The following ZNF248 variants were observed in gnomAD, a reference collection of about 807,000 sequenced individuals.
ZNF248 encodes zinc finger protein 248, also known as KRAB protein domain.
Under a neutral mutation model 44.3 loss-of-function variants are expected in ZNF248, and 20 were observed. That is an observed-to-expected ratio of 0.45 (90% CI 0.32 to 0.66). ZNF248 has a LOEUF of 0.66. ZNF248 is among the 30% of genes least tolerant of loss of function. The pLI, the probability that ZNF248 is intolerant of heterozygous loss-of-function variation, is 0.04. For synonymous variants in ZNF248, 224 were observed against 229.0 expected, an observed-to-expected ratio of 0.98 and a Z score of 0.20; for missense variants, 654 against 677.0, an observed-to-expected ratio of 0.97 and a Z score of 0.38.
At chr10:37,826,131 C>A (rs1208722), downstream of ZNF248, among the ~76,000 whole-genome samples, 9,110 of 152,106 alleles carry the variant, frequency 0.06, 354 homozygotes, top group Middle Eastern at 0.095. Flanking sequence ...AACTGGTAAT[C>A]GCGTATTGTA....
chr10:37,801,013 C>G (rs1407319316), intron 6 of ZNF248, among the ~76,000 whole-genome samples: 1 of 151,798 alleles, frequency 6.6e-6, no homozygotes, highest in Non-Finnish European at 1.5e-5. Context: ...CTGCCTGCCT[C>G]GGCCTCCCAA....
chr10:37,767,404 C>G, the ZNF248 span, among the ~76,000 whole-genome samples: 1 of 152,268 alleles, frequency 6.6e-6, no homozygotes, highest in East Asian at 1.9e-4. Context: ...AAGGGAAGCC[C>G]ATCAGACTAA....
At chr10:37,760,997 G>A in the ZNF248 span, among the ~76,000 whole-genome samples, 1 of 152,222 alleles carries the variant, frequency 6.6e-6, no homozygotes, top group Non-Finnish European at 1.5e-5. Context: ...TGATGGTGCA[G>A]GCCTTTAGGG....
At chr10:37,848,043 G>A (rs1305393198) in intron 3 of ZNF248, among the ~76,000 whole-genome samples, 1 of 152,080 alleles carries the variant, frequency 6.6e-6, no homozygotes, top group East Asian at 1.9e-4. Flanking sequence ...GGCCAAGGTG[G>A]GTGAATCACC....
At chr10:37,840,188 A>G (rs746804549) in intron 3 of ZNF248, among the ~76,000 whole-genome samples, 2 of 152,244 alleles carry the variant, frequency 1.3e-5, no homozygotes, top group African/African-American at 2.4e-5. Context: ...AGAAATTTAT[A>G]ACATCAAATT....
intron 3 of ZNF248, among the ~76,000 whole-genome samples, chr10:37,855,191 T>C (rs1342125413): frequency 6.6e-6 from 1 of 152,152 alleles, no homozygotes; most frequent in Non-Finnish European, 1.5e-5. Context: ...GACCATACAT[T>C]CCAGTAAGTC....
At chr10:37,762,575 G>A in the ZNF248 span, among the ~76,000 whole-genome samples, 1 of 152,142 alleles carries the variant, frequency 6.6e-6, no homozygotes, top group South Asian at 2.1e-4. Context: ...GGGATGGGGG[G>A]TTAAGAAAAG....
chr10:37,823,386 A>AT (rs914122375), intron 6 of ZNF248, among the ~76,000 whole-genome samples: 1 of 147,232 alleles, frequency 6.8e-6, no homozygotes. Context: ...GGAACTAATC[A>AT]TTTTTTAACA....
chr10:37,781,790 G>T (rs2047347890), intron 6 of ZNF248, among the ~76,000 whole-genome samples: 1 of 152,150 alleles, frequency 6.6e-6, no homozygotes, highest in African/African-American at 2.4e-5. Flanking sequence ...GGCCTGAGTG[G>T]GAGAGCAGTC....
At chr10:37,770,233 A>G in the ZNF248 span, among the ~76,000 whole-genome samples, 2 of 152,220 alleles carry the variant, frequency 1.3e-5, no homozygotes, top group Non-Finnish European at 2.9e-5. Flanking sequence ...CATCCCCATC[A>G]AGCTACCAAT....
chr10:37,819,872 T>C (rs2053171881), intron 6 of ZNF248: 1 of 781,578 alleles, frequency 1.3e-6, no homozygotes, highest in Non-Finnish European at 2.4e-6. Context: ...GAATTTATCC[T>C]TTTCTGATGC....
rs557781881 is a variant in ZNF248, at chr10:37,853,675, C to T, written c.15+2621G>A. Among the ~76,000 whole-genome samples the T allele has an allele frequency of 1.5e-4, 23 of 152,016 alleles. No individual in the cohort carries two copies. The South Asian group carries it at 2.9e-3, about 19-fold the overall frequency. Reference sequence around the variant, plus strand: ...GATTACAGGCAGGAGCCACGGTGCCCGGCCACCGGAATGGTATTTTTAAAG... The same window carrying T: ...GATTACAGGCAGGAGCCACGGTGCCTGGCCACCGGAATGGTATTTTTAAAG... On this transcript the variant is annotated intron_variant, in intron 3 of 5. Transcript: ENST00000395867.
chr10:37,770,311 G>A, the ZNF248 span, among the ~76,000 whole-genome samples: 10 of 152,182 alleles, frequency 6.6e-5, no homozygotes, highest in Non-Finnish European at 8.8e-5. Context: ...AGCCCGCATC[G>A]CCAAGTCAAT....
chr10:37,837,542 A>C, intron 5 of ZNF248, 75 bp downstream of exon 5: 1 of 1,234,246 alleles, frequency 8.1e-7, no homozygotes, highest in Non-Finnish European at 1.2e-6. Flanking sequence ...AATATTCCAA[A>C]GGTGACAAAT....
At chr10:37,818,592 TG>T (rs2052933262) in intron 6 of ZNF248, 1 of 431,210 alleles carries the variant, frequency 2.3e-6, no homozygotes, top group Non-Finnish European at 4.4e-6. Context: ...TTTGTGGCCT[TG>T]GAGTCAGTCT....
chr10:37,831,249 C>T lies in ZNF248; in HGVS notation c.*366G>A, dbSNP rs1405537028. Reference sequence around the variant, plus strand: ...ATACTCACATAAGGTCTACAAACATCGGGGACTCTTCACATATATGTTTAA... The same window carrying T: ...ATACTCACATAAGGTCTACAAACATTGGGGACTCTTCACATATATGTTTAA... On this transcript the variant is annotated 3_prime_UTR_variant, in exon 6 of 6. Transcript: ENST00000395867. The T allele has an allele frequency of 1.0e-5, 16 of 1,549,118 alleles. 1 individual carries two copies. The highest frequency in any genetic ancestry group is 3.6e-5 in the South Asian group (3 of 83,940).
At chr10:37,851,734 C>T (rs2060261338) in intron 3 of ZNF248, among the ~76,000 whole-genome samples, 1 of 15,362 alleles carries the variant, frequency 6.5e-5, no homozygotes, top group Non-Finnish European at 1.3e-4. Flanking sequence ...AAATAAATAA[C>T]AAAAAAAAAT....
intron 6 of ZNF248, chr10:37,820,905 A>G: frequency 6.7e-7 from 1 of 1,482,408 alleles, no homozygotes; most frequent in South Asian, 1.1e-5. Context: ...AGTTTTCCTT[A>G]CTAATACCTA....
chr10:37,828,454 T>C (rs977150302), downstream of ZNF248, among the ~76,000 whole-genome samples: 1 of 152,176 alleles, frequency 6.6e-6, no homozygotes, highest in African/African-American at 2.4e-5. Flanking sequence ...CTGGAAGCAA[T>C]AAGGACACAA....
Sources: gnomAD v4.1 joint callset for allele counts (sites outside exome capture counted in the v4.1 genomes callset) on GRCh38, gnomAD v4.1.1 for gene constraint, MANE v1.5 for transcripts, NCBI Gene and HGNC (gene_info 2026-07-23, HGNC 2026-07-21) for gene names.